Variants in SLC67A1 observed in about 807,000 individuals in gnomAD.
SLC67A1 encodes solute carrier family 67 member A1.
At chr11:2,901,584 T>C in the SLC67A1 span, among the ~76,000 whole-genome samples, 1 of 152,150 alleles carries the variant, frequency 6.6e-6, no homozygotes, top group Non-Finnish European at 1.5e-5. Flanking sequence ...GTGCGCAGCG[T>C]GGGGTGTGTG....
chr11:2,924,901 G>A, the SLC67A1 span: 59 of 975,914 alleles, frequency 6.0e-5, no homozygotes, highest in South Asian at 3.6e-4. This position sits in a 1 kb window ranked among gnomAD's most constrained non-coding sequence, Gnocchi z 8.6. Context: ...GGACTGCGCC[G>A]TGAGGTCAGG....
the SLC67A1 span, chr11:2,903,448 A>G: frequency 6.2e-7 from 1 of 1,613,244 alleles, no homozygotes; most frequent in Non-Finnish European, 8.5e-7. Flanking sequence ...GCTGGCCGCC[A>G]CAGAACTTAC....
At chr11:2,911,050 C>T in the SLC67A1 span, among the ~76,000 whole-genome samples, 1 of 152,046 alleles carries the variant, frequency 6.6e-6, no homozygotes, top group African/African-American at 2.4e-5. Context: ...TTGTGGGGGT[C>T]AGGGACCCGT....
chr11:2,919,438 C>T, the SLC67A1 span: 1 of 1,520,950 alleles, frequency 6.6e-7, no homozygotes, highest in Non-Finnish European at 9.1e-7. Context: ...TGCTGGGGGG[C>T]ACGGCAGGGG....
chr11:2,921,930 C>A, the SLC67A1 span: 2 of 646,768 alleles, frequency 3.1e-6, no homozygotes, highest in Non-Finnish European at 5.6e-6. Flanking sequence ...TCACTGCTGG[C>A]GGAGTAGGGA....
the SLC67A1 span, among the ~76,000 whole-genome samples, chr11:2,917,658 C>T: frequency 6.6e-6 from 1 of 152,214 alleles, no homozygotes; most frequent in Non-Finnish European, 1.5e-5. Flanking sequence ...GCTATTGGTC[C>T]CTTGTTCAGG....
the SLC67A1 span, chr11:2,915,280 CGTGT>C: frequency 2.7e-5 from 25 of 926,820 alleles, no homozygotes; most frequent in Non-Finnish European, 3.2e-5. Flanking sequence ...CAAGTTTGCC[CGTGT>C]GTGTGTGTGT....
the SLC67A1 span, among the ~76,000 whole-genome samples, chr11:2,904,655 G>A: frequency 6.6e-6 from 1 of 152,248 alleles, no homozygotes; most frequent in East Asian, 1.9e-4. Context: ...GAGTGCCCAG[G>A]AGCTGACCCT....
chr11:2,919,110 C>G, the SLC67A1 span: 1 of 354,482 alleles, frequency 2.8e-6, no homozygotes, highest in African/African-American at 2.2e-5. Context: ...ACACGAGAGG[C>G]ACTTTCCACA....
At chr11:2,913,210 C>A in the SLC67A1 span, among the ~76,000 whole-genome samples, 1 of 152,198 alleles carries the variant, frequency 6.6e-6, no homozygotes, top group Non-Finnish European at 1.5e-5. Context: ...AGCCAGGTGA[C>A]TCAGCTACTG....
chr11:2,916,070 C>G, the SLC67A1 span: 1 of 152,474 alleles, frequency 6.6e-6, no homozygotes, highest in Admixed American at 6.5e-5. Context: ...CCCAAAGCCC[C>G]CTCCAAGCCC....
At chr11:2,924,692 G>A in the SLC67A1 span, among the ~76,000 whole-genome samples, 1 of 152,202 alleles carries the variant, frequency 6.6e-6, no homozygotes, top group South Asian at 2.1e-4. The surrounding 1 kb of genome is among the most constrained non-coding windows in gnomAD (Gnocchi z 8.6). Context: ...TTCTGGAGCA[G>A]GGAAGAGACT....
At chr11:2,916,738 C>T in the SLC67A1 span, 3 of 1,612,076 alleles carry the variant, frequency 1.9e-6, no homozygotes, top group Non-Finnish European at 2.5e-6. Context: ...GCTCCACTGC[C>T]AGGTAAGCCC....
At chr11:2,902,547 GT>G in the SLC67A1 span, 6 of 984,656 alleles carry the variant, frequency 6.1e-6, no homozygotes, top group African/African-American at 1.7e-5. Context: ...ACCCTCAGGG[GT>G]CTCCCCGCCC....
the SLC67A1 span, among the ~76,000 whole-genome samples, chr11:2,912,351 C>T: frequency 6.6e-6 from 1 of 152,238 alleles, no homozygotes; most frequent in Admixed American, 6.5e-5. Flanking sequence ...ATGGCAAGGG[C>T]CAGCCCCCTG....
At chr11:2,909,709 G>T in the SLC67A1 span, 1 of 1,519,772 alleles carries the variant, frequency 6.6e-7, no homozygotes, top group Middle Eastern at 1.7e-4. Context: ...CTCCGCGTAC[G>T]GGTGAGTGGT....
the SLC67A1 span, chr11:2,916,950 C>A: frequency 5.2e-6 from 3 of 580,956 alleles, no homozygotes; most frequent in Non-Finnish European, 9.4e-6. Flanking sequence ...GGGGCTCCGG[C>A]AGGCAGGGAG....
the SLC67A1 span, chr11:2,909,112 C>T: frequency 1.5e-6 from 2 of 1,314,328 alleles, no homozygotes; most frequent in Non-Finnish European, 2.0e-6. Flanking sequence ...CCTCCCTGGT[C>T]AGCCCCGCCT....
At chr11:2,903,380 G>A in the SLC67A1 span, 949,197 of 1,612,552 alleles carry the variant, frequency 0.59, 281,386 homozygotes, top group East Asian at 0.73. Context: ...GACCAGGGCC[G>A]GTCCCCCGGC....
Sources: allele counts gnomAD v4.1 joint callset (sites outside exome capture counted in the v4.1 genomes callset), GRCh38; gene constraint gnomAD v4.1.1; non-coding constraint Gnocchi (gnomAD v3.1); transcripts MANE v1.5; gene names NCBI Gene and HGNC (gene_info 2026-07-23, HGNC 2026-07-21).